Variants in DLG2 observed in about 807,000 individuals in gnomAD.
DLG2 encodes the protein discs large MAGUK scaffold protein 2.
DLG2 carries 45 observed loss-of-function variants against 132.5 expected under a neutral mutation model. That is an observed-to-expected ratio of 0.34 (90% CI 0.27 to 0.44). The LOEUF (loss-of-function observed/expected upper bound fraction) is 0.44. Among genes scored for constraint, DLG2 ranks in the 20% least tolerant of loss-of-function variants. The probability of loss-of-function intolerance (pLI) is 1.00; values close to 1 mark genes in which losing one functional copy is unlikely to be tolerated. For missense variants in DLG2, 1,045 were observed against 1,196.9 expected (o/e 0.87, Z 1.87); for synonymous variants, 424 against 419.6 (o/e 1.01, Z -0.13).
chr11:85,114,493 G>A (rs1231814285), intron 5 of DLG2, among the ~76,000 whole-genome samples: 5 of 151,990 alleles, frequency 3.3e-5, no homozygotes, highest in Non-Finnish European at 7.4e-5. Context: ...TATACCTGTA[G>A]ATTAGTGATA....
intron 3 of DLG2, among the ~76,000 whole-genome samples, chr11:85,441,171 T>C (rs1482947870): frequency 6.6e-6 from 1 of 152,204 alleles, no homozygotes; most frequent in Non-Finnish European, 1.5e-5. Flanking sequence ...GTATATATTT[T>C]ATTAAGATTT....
intron 6 of DLG2, among the ~76,000 whole-genome samples, chr11:85,056,408 T>G (rs2063466387): frequency 6.6e-6 from 1 of 152,080 alleles, no homozygotes; most frequent in Admixed American, 6.6e-5. Context: ...AATGAATATG[T>G]TTCAGCAGAA....
At chr11:85,351,317 T>C (rs1245469137) in intron 3 of DLG2, among the ~76,000 whole-genome samples, 7 of 152,096 alleles carry the variant, frequency 4.6e-5, no homozygotes, top group African/African-American at 1.7e-4. Context: ...TGGGCTGAGA[T>C]GATGGGGTTT....
At chr11:84,640,360 G>GGGTTTGGATAAGGCCAAATGTTGCT (rs1565529329) in intron 6 of DLG2, 1 of 338,860 alleles carries the variant, frequency 3.0e-6, no homozygotes, top group African/African-American at 2.2e-5. Flanking sequence ...TAAATCCTCA[G>GGGTTTGGATAAGGCCAAATGTTGCT]GGTTTGGATA....
chr11:84,229,381 G>A (rs916068259), intron 8 of DLG2, among the ~76,000 whole-genome samples: 8 of 152,074 alleles, frequency 5.3e-5, no homozygotes, highest in South Asian at 2.1e-4. Context: ...CTTGATCCAC[G>A]TAACCCAAGT....
Position 85,169,987 on chromosome 11 carries a change from G to A in DLG2, c.187-15336C>T, listed in dbSNP as rs2078727007. Reference sequence around the variant, plus strand: ...ATACATGTATCTTATTTGTCCTATGGGGGGAAAAGTTTCCCCAAGCCACCT... The same window carrying A: ...ATACATGTATCTTATTTGTCCTATGAGGGGAAAAGTTTCCCCAAGCCACCT... On this transcript the variant is annotated intron_variant, in intron 4 of 27. Transcript: ENST00000376104. Among the ~76,000 whole-genome samples, 3 of 152,066 alleles carry A rather than the reference G, an allele frequency of 2.0e-5. No homozygotes were observed. The South Asian group carries it at 6.2e-4, about 32-fold the overall frequency.
intron 6 of DLG2, among the ~76,000 whole-genome samples, chr11:84,869,807 G>A (rs1477475543): frequency 6.6e-6 from 1 of 152,138 alleles, no homozygotes; most frequent in Non-Finnish European, 1.5e-5. Context: ...GGCAGTGGTT[G>A]GTAATAAACC....
At chr11:83,755,297 T>A (rs780889509) in intron 18 of DLG2, among the ~76,000 whole-genome samples, 1 of 151,294 alleles carries the variant, frequency 6.6e-6, no homozygotes, top group East Asian at 1.9e-4. Context: ...CAAAATTAGT[T>A]CTACTCTGAT....
At chr11:83,953,331 G>A (rs771587031) in intron 14 of DLG2, among the ~76,000 whole-genome samples, 3 of 152,196 alleles carry the variant, frequency 2.0e-5, no homozygotes, top group Non-Finnish European at 4.4e-5. Flanking sequence ...GAGCTTTACT[G>A]CCTGAGCTTC....
intron 21 of DLG2, among the ~76,000 whole-genome samples, chr11:83,486,459 G>A (rs2093515461): frequency 6.6e-6 from 1 of 152,010 alleles, no homozygotes; most frequent in Non-Finnish European, 1.5e-5. Context: ...GGCTTTGAGG[G>A]CCCAAAATGG....
chr11:84,704,356 T>C lies in DLG2; in HGVS notation c.358-169625A>G, dbSNP rs150683198. Among the ~76,000 whole-genome samples, 878 of 151,742 alleles carry C rather than the reference T, an allele frequency of 5.8e-3. 5 individuals are homozygous for C. Among genetic ancestry groups the C allele is most frequent in the African/African-American group, 0.021 (852 of 41,486 alleles). Reference sequence around the variant, plus strand: ...AGAAACAACATTTCACTTCAGAGTATAGTTTTCAGAGTTTGGCAGACTTGA... The same window carrying C: ...AGAAACAACATTTCACTTCAGAGTACAGTTTTCAGAGTTTGGCAGACTTGA... On this transcript the variant is annotated intron_variant, in intron 6 of 27. Transcript: ENST00000376104.
At chr11:85,030,083 A>G (rs1042963683) in intron 6 of DLG2, among the ~76,000 whole-genome samples, 1 of 152,196 alleles carries the variant, frequency 6.6e-6, no homozygotes, top group Non-Finnish European at 1.5e-5. Context: ...AGTCTACCCT[A>G]GCGGGGAAGG....
chr11:85,556,562 G>A (rs1011555204), intron 3 of DLG2, among the ~76,000 whole-genome samples: 1 of 151,812 alleles, frequency 6.6e-6, no homozygotes, highest in African/African-American at 2.4e-5. Context: ...CCTTTTGACT[G>A]TAAAGTGTTT....
At chr11:84,964,354 T>C (rs2154111113) in intron 6 of DLG2, among the ~76,000 whole-genome samples, 1 of 152,226 alleles carries the variant, frequency 6.6e-6, no homozygotes, top group Admixed American at 6.5e-5. Flanking sequence ...GTAATTAGGT[T>C]AACTGATTTT....
At chr11:85,116,852 T>C (rs1160178075) in intron 5 of DLG2, among the ~76,000 whole-genome samples, 2 of 151,994 alleles carry the variant, frequency 1.3e-5, no homozygotes, top group African/African-American at 4.8e-5. Flanking sequence ...AAAAGTTAGA[T>C]GACTAAAGAT....
intron 18 of DLG2, among the ~76,000 whole-genome samples, chr11:83,769,556 G>C (rs2094293426): frequency 6.7e-6 from 1 of 148,852 alleles, no homozygotes; most frequent in East Asian, 2.0e-4. Flanking sequence ...AATGACTCTA[G>C]CTTCTTTTTT....
chr11:83,495,558 G>A (rs1223853243), intron 21 of DLG2, among the ~76,000 whole-genome samples: 1 of 152,080 alleles, frequency 6.6e-6, no homozygotes, highest in Non-Finnish European at 1.5e-5. Flanking sequence ...TAGTACTTAT[G>A]ACATATTATT....
intron 6 of DLG2, among the ~76,000 whole-genome samples, chr11:85,063,679 GT>G (rs964027417): frequency 6.6e-5 from 10 of 151,724 alleles, no homozygotes; most frequent in South Asian, 2.1e-4. Context: ...AGCTAAATGA[GT>G]TTTTTTTCCC....
intron 18 of DLG2, 34 bp downstream of exon 18, chr11:83,786,656 T>A (rs1021418679): frequency 6.5e-7 from 1 of 1,531,176 alleles, no homozygotes; most frequent in African/African-American, 1.4e-5. Context: ...CACAGAGACA[T>A]ATCAGAACAT....
Sources: allele counts gnomAD v4.1 joint callset (sites outside exome capture counted in the v4.1 genomes callset), GRCh38; gene constraint gnomAD v4.1.1; transcripts MANE v1.5; gene names NCBI Gene and HGNC (gene_info 2026-07-23, HGNC 2026-07-21).